Variants in SUMF1 observed in about 807,000 individuals in gnomAD.
SUMF1 encodes formylglycine-generating enzyme.
Under a neutral mutation model 47.6 loss-of-function variants are expected in SUMF1, and 48 were observed. The ratio of observed to expected loss-of-function variants is 1.01; its 90% CI spans 0.80 to 1.28. The LOEUF (loss-of-function observed/expected upper bound fraction) is 1.28, where lower values mean the gene tolerates loss of function less well. SUMF1 is among the 50% of genes most tolerant of loss of function. The probability of loss-of-function intolerance (pLI) is 0.00; values close to 1 mark genes in which losing one functional copy is unlikely to be tolerated. For synonymous variants in SUMF1, 230 were observed against 192.1 expected, an observed-to-expected ratio of 1.20 and a Z score of -1.63; for missense variants, 571 against 485.4, an observed-to-expected ratio of 1.18 and a Z score of -1.66.
At chr3:4,094,213 C>T (rs10510283) in intron 8 of SUMF1, among the ~76,000 whole-genome samples, 15,416 of 151,988 alleles carry the variant, frequency 0.1, 1,463 homozygotes, top group African/African-American at 0.23. Context: ...AGAAGCCTAT[C>T]GGACTTTTGG....
chr3:4,109,427 A>G (rs189892708), intron 8 of SUMF1, among the ~76,000 whole-genome samples: 1 of 152,022 alleles, frequency 6.6e-6, no homozygotes, highest in Non-Finnish European at 1.5e-5. Context: ...CTCGAGGAGT[A>G]TCTTTGTGGC....
At chr3:4,428,771 C>CT (rs1702144913) in intron 3 of SUMF1, among the ~76,000 whole-genome samples, 1 of 22,580 alleles carries the variant, frequency 4.4e-5, no homozygotes, top group Non-Finnish European at 1.4e-3. Context: ...ATTGAAAAAA[C>CT]AAAAGCAATA....
intron 8 of SUMF1, among the ~76,000 whole-genome samples, chr3:4,211,199 C>CATAT (rs3046224): frequency 0.028 from 2,357 of 84,870 alleles, 156 homozygotes; most frequent in East Asian, 0.11. Flanking sequence ...CATATACATA[C>CATAT]ATACATATAT....
intron 9 of SUMF1, among the ~76,000 whole-genome samples, chr3:4,039,267 A>T (rs1278025624): frequency 5.2e-5 from 5 of 95,366 alleles, no homozygotes; most frequent in African/African-American, 8.6e-5. Flanking sequence ...ACATGTGCAC[A>T]TTGTGCAGGT....
intron 8 of SUMF1, among the ~76,000 whole-genome samples, chr3:4,351,462 G>A (rs1256285586): frequency 2.0e-5 from 3 of 147,994 alleles, no homozygotes; most frequent in African/African-American, 7.4e-5. Flanking sequence ...TGAGGATGAC[G>A]CAGCACACTT....
At chr3:4,359,688 A>T (rs1187940775), downstream of SUMF1, among the ~76,000 whole-genome samples, 1 of 152,130 alleles carries the variant, frequency 6.6e-6, no homozygotes, top group Non-Finnish European at 1.5e-5. Flanking sequence ...AAACCATCAG[A>T]ACTAGTGAGA....
At chr3:4,347,660 A>G (rs1162127073) in intron 8 of SUMF1, among the ~76,000 whole-genome samples, 2 of 152,192 alleles carry the variant, frequency 1.3e-5, no homozygotes, top group Non-Finnish European at 2.9e-5. Flanking sequence ...CTTATTCAAC[A>G]TTGTATTGGA....
At chr3:4,296,133 T>C (rs188509700) in intron 8 of SUMF1, among the ~76,000 whole-genome samples, 2 of 151,882 alleles carry the variant, frequency 1.3e-5, no homozygotes, top group East Asian at 3.9e-4. Flanking sequence ...AAAAAAACAA[T>C]ACTGGGTATG....
At chr3:4,312,818 GT>G (rs1250102604) in intron 8 of SUMF1, 14 of 1,493,418 alleles carry the variant, frequency 9.4e-6, no homozygotes, top group African/African-American at 1.4e-5. Context: ...ATTAGAATGG[GT>G]CCCAGTCAGA....
intron 8 of SUMF1, among the ~76,000 whole-genome samples, chr3:4,150,631 C>A (rs1473705120): frequency 1.3e-5 from 2 of 151,378 alleles, no homozygotes; most frequent in African/African-American, 2.5e-5. Context: ...GTAATTCTAC[C>A]ACTTCATCCT....
At chr3:4,252,037 G>A (rs576250530) in intron 8 of SUMF1, among the ~76,000 whole-genome samples, 1 of 152,252 alleles carries the variant, frequency 6.6e-6, no homozygotes, top group Middle Eastern at 3.4e-3. Context: ...AACCAAACCT[G>A]CAATATCTGC....
chr3:4,235,337 T>A (rs563308791), intron 8 of SUMF1, among the ~76,000 whole-genome samples: 1 of 152,202 alleles, frequency 6.6e-6, no homozygotes, highest in East Asian at 1.9e-4. Context: ...GGGGTAAGGA[T>A]AAATACAGTT....
chr3:4,352,498 T>C (rs1374579877), intron 8 of SUMF1, among the ~76,000 whole-genome samples: 1 of 152,084 alleles, frequency 6.6e-6, no homozygotes, highest in East Asian at 1.9e-4. Flanking sequence ...AATGGCTTTA[T>C]AATACAGCCA....
At chr3:4,344,950 T>C (rs1699345754) in intron 8 of SUMF1, among the ~76,000 whole-genome samples, 1 of 151,780 alleles carries the variant, frequency 6.6e-6, no homozygotes, top group Non-Finnish European at 1.5e-5. Flanking sequence ...GAAGACCACC[T>C]TACTGAAATA....
At chr3:4,232,589 G>C (rs1266625978) in intron 8 of SUMF1, among the ~76,000 whole-genome samples, 1 of 151,676 alleles carries the variant, frequency 6.6e-6, no homozygotes, top group Admixed American at 6.6e-5. Flanking sequence ...ATTTATGCTT[G>C]CTTGCCGCCA....
At chr3:4,144,107 A>AATCATTCTCTGG (rs1694139708) in intron 8 of SUMF1, among the ~76,000 whole-genome samples, 1 of 151,008 alleles carries the variant, frequency 6.6e-6, no homozygotes, top group African/African-American at 2.4e-5. Flanking sequence ...CTAGGACCAC[A>AATCATTCTCTGG]AGTAGGCACC....
At chr3:4,283,659 A>T (rs1697573723) in intron 8 of SUMF1, among the ~76,000 whole-genome samples, 1 of 152,220 alleles carries the variant, frequency 6.6e-6, no homozygotes, top group Non-Finnish European at 1.5e-5. Context: ...ATAGAAGTCT[A>T]AGTATTTGCC....
chr3:4,242,019 A>G (rs753801182), intron 8 of SUMF1, among the ~76,000 whole-genome samples: 12 of 152,236 alleles, frequency 7.9e-5, no homozygotes, highest in Non-Finnish European at 1.6e-4. Context: ...GTGCTTGGAA[A>G]GGAAAAGGGA....
intron 8 of SUMF1, among the ~76,000 whole-genome samples, chr3:4,155,689 G>A (rs936236831): frequency 1.3e-5 from 2 of 151,462 alleles, no homozygotes; most frequent in African/African-American, 4.9e-5. Context: ...CATTAATTTA[G>A]TAAACTCTTT....
Sources: gnomAD v4.1 joint callset for allele counts (sites outside exome capture counted in the v4.1 genomes callset) on GRCh38, gnomAD v4.1.1 for gene constraint, MANE v1.5 for transcripts, NCBI Gene and HGNC (gene_info 2026-07-23, HGNC 2026-07-21) for gene names.